CHST3: variants seen among roughly 807,000 people sequenced by gnomAD.
The protein encoded by CHST3 is C6ST-1.
A neutral mutation model predicts 35.4 loss-of-function variants in CHST3; 20 were observed. That is an observed-to-expected ratio of 0.57 (90% CI 0.40 to 0.82). The LOEUF (loss-of-function observed/expected upper bound fraction) is 0.82. CHST3 is among the 40% of genes least tolerant of loss of function. The probability of loss-of-function intolerance (pLI) is 0.00; values close to 1 mark genes in which losing one functional copy is unlikely to be tolerated. For missense variants in CHST3, 693 were observed against 670.1 expected (o/e 1.03, Z -0.38); for synonymous variants, 334 against 295.9 (o/e 1.13, Z -1.32).
intron 1 of CHST3, among the ~76,000 whole-genome samples, chr10:71,990,014 C>G (rs561942302): frequency 6.6e-6 from 1 of 152,232 alleles, no homozygotes; most frequent in Non-Finnish European, 1.5e-5. Context: ...TGCCTATTAA[C>G]ATGCATTAAT....
At position 72,007,622 on chromosome 10, in the gene CHST3, G is replaced by A; in HGVS notation, c.591G>A (p.Leu197=). 2 of 1,610,080 alleles carry A rather than the reference G, an allele frequency of 1.2e-6. No individual in the cohort carries two copies. The highest frequency in any genetic ancestry group is 2.2e-5 in the East Asian group (1 of 44,846). The change falls in exon 3 of 3, where the codon CTG becomes CTA. Residue 197 remains leucine, a synonymous_variant. Transcript: ENST00000373115. ...GCGACGTGCTCAAGCAGCTCTTCCT[G>A]TGCGACCTGTACGTGCTGGAGCACT... is the stretch of plus-strand genomic sequence containing the variant. ...VYRDVLKQLF[L]CDLYVLEHFI...
chr10:72,012,294 A>G lies in CHST3; in HGVS notation c.*3823A>G, dbSNP rs1840119378. The G allele has an allele frequency of 6.6e-6, 1 of 152,204 alleles. No individual in the cohort carries two copies. The highest frequency in any genetic ancestry group is 1.5e-5 in the Non-Finnish European group (1 of 68,054). The allele number at this position is 152,204 out of a possible 1,614,324, so 9.4% of individuals were successfully genotyped here. ...GGTTGATTCTTGGCCTGGGTGGTAG[A>G]GGAGATATCCTGACCCTAAAGTCTT... On this transcript the variant is annotated 3_prime_UTR_variant, in exon 3 of 3. Transcript: ENST00000373115.
chr10:71,996,675 G>A (rs1839942663), intron 1 of CHST3, among the ~76,000 whole-genome samples: 1 of 152,152 alleles, frequency 6.6e-6, no homozygotes, highest in Non-Finnish European at 1.5e-5. Context: ...TCTGGGGGAA[G>A]AAGGCCAGCC....
At chr10:71,979,846 C>T (rs141325771) in intron 1 of CHST3, among the ~76,000 whole-genome samples, 4 of 152,148 alleles carry the variant, frequency 2.6e-5, no homozygotes, top group Admixed American at 6.5e-5. Context: ...TTATTTGGTC[C>T]GTATGCGTAT....
rs1216675766 is a variant in CHST3 at position 72,007,364 on chromosome 10, G to GGAGGAA, written c.343_348dup (p.Glu115_Glu116dup). 1 of 1,606,368 alleles carries GGAGGAA rather than the reference G, an allele frequency of 6.2e-7. No individual in the cohort carries two copies. On this transcript the variant is annotated inframe_insertion, in exon 3 of 3. Transcript: ENST00000373115. Reference sequence around the variant, plus strand: ...TGGAGCCAGCCATGGAGGCCGCAGGGGAGGAAGAGGAAGAGCAGAGAAAGG... The same window carrying GGAGGAA: ...TGGAGCCAGCCATGGAGGCCGCAGGGGAGGAAGAGGAAGAGGAAGAGCAGAGAAAGG...
In CHST3 at chr10:71,974,418, TCTG is replaced by T. The variant is rs1489958136; in HGVS notation, c.-108+9728_-108+9730del. ...GTCAGAGCCAGTAATAACACCCAGG[TCTG>T]CTGTCGCTTGAGTCTTCCCTCAAAG... On this transcript the variant is annotated intron_variant, in intron 1 of 2. Coordinates refer to ENST00000373115, the MANE Select transcript of CHST3 (RefSeq NM_004273.5). Among the ~76,000 whole-genome samples the T allele has an allele frequency of 7.2e-5, 11 of 152,260 alleles. No homozygotes were observed. The South Asian group carries it at 2.3e-3, about 32-fold the overall frequency.
chr10:72,003,582 T>C (rs953745313), intron 1 of CHST3, among the ~76,000 whole-genome samples: 3 of 151,440 alleles, frequency 2.0e-5, no homozygotes, highest in African/African-American at 7.3e-5. Flanking sequence ...ACGCCTGTAA[T>C]CCCAGCTACT....
At position 72,008,178 on chromosome 10, in the gene CHST3, C is replaced by T. The variant is rs1421686530; in HGVS notation, c.1147C>T (p.Arg383Cys). The change falls in exon 3 of 3, where the codon CGC (arginine) becomes TGC (cysteine). Residue 383 changes from arginine to cysteine, a missense_variant. Physicochemically the swap from Arg to Cys is radical, Grantham distance 180. Transcript: ENST00000373115. ...DVARGPLQKA[R>C]EMYRFAGIPL... ...GGCACGCGGGCCGCTGCAGAAGGCC[C>T]GCGAGATGTACCGCTTCGCCGGCAT... 1.3e-6 allele frequency: 2 copies of T among 1,549,130 alleles called. No homozygotes were observed. The highest frequency in any genetic ancestry group is 1.2e-5 in the South Asian group (1 of 84,024).
chr10:71,995,768 T>C (rs1839933019), intron 1 of CHST3, among the ~76,000 whole-genome samples: 2 of 152,182 alleles, frequency 1.3e-5, no homozygotes, highest in African/African-American at 4.8e-5. Context: ...TGGGTGTGGT[T>C]TGTGGCACCC....
Position 72,012,859 on chromosome 10 carries a change from C to T in CHST3, c.*4388C>T, listed in dbSNP as rs1287985946. The T allele has an allele frequency of 6.6e-6, 1 of 152,246 alleles. No individual in the cohort carries two copies. The highest frequency in any genetic ancestry group is 1.9e-4 in the East Asian group (1 of 5,204). 9.4% of individuals were successfully genotyped at this position (152,246 alleles called of 1,614,324 possible). On this transcript the variant is annotated 3_prime_UTR_variant, in exon 3 of 3. Coordinates refer to ENST00000373115, the MANE Select transcript of CHST3 (RefSeq NM_004273.5). ...GCTGCAGTTTCAGAGACAGTGGAAG[C>T]TGCTCTTTACCTCAAAAGCACAAAG...
intron 1 of CHST3, among the ~76,000 whole-genome samples, chr10:71,971,472 C>T (rs1839694156): frequency 6.6e-6 from 1 of 152,194 alleles, no homozygotes; most frequent in Non-Finnish European, 1.5e-5. Context: ...ACATGCTGCG[C>T]CGATGCCCGC....
chr10:71,996,809 C>T (rs900905789), intron 1 of CHST3, among the ~76,000 whole-genome samples: 12 of 152,162 alleles, frequency 7.9e-5, no homozygotes, highest in East Asian at 1.9e-4. Flanking sequence ...GACTACTGTC[C>T]GAGGCAAGAG....
In CHST3 at chr10:72,008,010, G is replaced by T. The variant is rs751134642; in HGVS notation, c.979G>T (p.Asp327Tyr). 14 of 1,549,404 alleles carry T rather than the reference G, an allele frequency of 9.0e-6. No individual in the cohort carries two copies. Among genetic ancestry groups the T allele is most frequent in the South Asian group, 7.1e-5 (6 of 84,044 alleles). Reference sequence around the variant, plus strand: ...TAAGACCTGGAAGAAGTGGCTGGACGACGAGGGCCAGGACGGCCTGAGGGA... The same window carrying T: ...TAAGACCTGGAAGAAGTGGCTGGACTACGAGGGCCAGGACGGCCTGAGGGA... ...KYKTWKKWLD[D>Y]EGQDGLREEE... The change falls in exon 3 of 3, where the codon GAC becomes TAC. Residue 327 changes from aspartate (D) to tyrosine (Y), a missense_variant. Physicochemically the swap from Asp to Tyr is radical, Grantham distance 160. Transcript: ENST00000373115.
intron 1 of CHST3, among the ~76,000 whole-genome samples, chr10:71,987,075 C>T (rs1839853611): frequency 6.6e-6 from 1 of 152,174 alleles, no homozygotes; most frequent in Non-Finnish European, 1.5e-5. Context: ...AGACAATTGA[C>T]CTCTGTTTCC....
intron 1 of CHST3, among the ~76,000 whole-genome samples, chr10:71,995,616 G>A (rs1839931912): frequency 6.6e-6 from 1 of 152,068 alleles, no homozygotes; most frequent in Admixed American, 6.6e-5. Flanking sequence ...GCCATGGCAG[G>A]GTTATTAATT....
chr10:72,002,166 G>T (rs996802306), intron 1 of CHST3, among the ~76,000 whole-genome samples: 2 of 152,214 alleles, frequency 1.3e-5, no homozygotes, highest in Admixed American at 1.3e-4. Flanking sequence ...CAGGGCAAGG[G>T]AGCCAACAGC....
At chr10:71,967,442 T>A (rs1839642824) in intron 1 of CHST3, among the ~76,000 whole-genome samples, 2 of 152,256 alleles carry the variant, frequency 1.3e-5, no homozygotes, top group African/African-American at 2.4e-5. Flanking sequence ...TTTCTGTTCC[T>A]GTGTTAGTTT....
chr10:71,976,312 A>G (rs1032987261), intron 1 of CHST3, among the ~76,000 whole-genome samples: 5 of 152,046 alleles, frequency 3.3e-5, no homozygotes, highest in Admixed American at 2.6e-4. Flanking sequence ...CATGCAGCAC[A>G]TTGCCATTGC....
chr10:71,982,671 C>T (rs1839812279), intron 1 of CHST3, among the ~76,000 whole-genome samples: 1 of 152,130 alleles, frequency 6.6e-6, no homozygotes, highest in Admixed American at 6.5e-5. Flanking sequence ...ATCTCTTGAA[C>T]CCGAGAGATT....
Sources: allele counts gnomAD v4.1 joint callset (sites outside exome capture counted in the v4.1 genomes callset), GRCh38; gene constraint gnomAD v4.1.1; transcripts MANE v1.5; gene names NCBI Gene and HGNC (gene_info 2026-07-23, HGNC 2026-07-21).